The following ASAP2 variants were observed in gnomAD, a reference collection of about 807,000 sequenced individuals.
ASAP2 encodes the protein ArfGAP with SH3 domain, ankyrin repeat and PH domain 2.
In ASAP2, 45 loss-of-function variants were observed where a neutral mutation model predicts 131.4. That is an observed-to-expected ratio of 0.34 (90% CI 0.27 to 0.44). The LOEUF (loss-of-function observed/expected upper bound fraction) is 0.44, where lower values mean the gene tolerates loss of function less well. Ranked by LOEUF, ASAP2 falls within the 20% of genes least tolerant of loss-of-function variation. The pLI, the probability that ASAP2 is intolerant of heterozygous loss-of-function variation, is 1.00. For missense variants in ASAP2, 1,011 were observed against 1,297.0 expected (o/e 0.78, Z 3.39); for synonymous variants, 510 against 503.0 (o/e 1.01, Z -0.19).
intron 1 of ASAP2, among the ~76,000 whole-genome samples, chr2:9,260,478 C>T (rs1034309573): frequency 2.6e-5 from 4 of 152,092 alleles, no homozygotes; most frequent in Admixed American, 6.6e-5. Context: ...GCGGGTGGAG[C>T]GGGGCCCATG....
rs1664935257 is a variant in ASAP2 at position 9,254,220 on chromosome 2, AAAAAAAAAAAAAAAAAAT to A, written c.127-25095_127-25078del. ...AGGGAGACTGTCTCAAAAAAAAAAA[AAAAAAAAAAAAAAAAAAT>A]ATATATATATATATATACACGTGTG... On this transcript the variant is annotated intron_variant, in intron 1 of 27. Coordinates refer to ENST00000281419, the MANE Select transcript of ASAP2 (RefSeq NM_003887.3). 2.5e-5 allele frequency among the ~76,000 whole-genome samples: 2 copies of A among 78,856 alleles called. 1 individual carries two copies. The highest frequency in any genetic ancestry group is 4.9e-5 in the Non-Finnish European group (2 of 41,216). 51.7% of individuals were successfully genotyped at this position (78,856 alleles called of 152,430 possible). A position where few individuals can be genotyped will look rare whatever the true frequency, so the allele number is the denominator to read the frequency against.
rs561090498 is a variant in ASAP2, at chr2:9,303,274, G to A, written c.345+5829G>A. ...TGGCTTGGGGTACGTGGGAATATCC[G>A]CCCTTGGATTAGTCCTGGACTATTA... On this transcript the variant is annotated intron_variant, in intron 3 of 27. Coordinates refer to ENST00000281419, the MANE Select transcript of ASAP2 (RefSeq NM_003887.3). Among the ~76,000 whole-genome samples the A allele has an allele frequency of 6.6e-5, 10 of 152,260 alleles. No homozygotes were observed. In the East Asian group the frequency reaches 7.7e-4, roughly 12 times the overall value.
At chr2:9,231,769 T>G (rs1663182767) in intron 1 of ASAP2, among the ~76,000 whole-genome samples, 1 of 152,174 alleles carries the variant, frequency 6.6e-6, no homozygotes, top group Non-Finnish European at 1.5e-5. Context: ...GAGACTCTCC[T>G]CTCTGTGCCG....
chr2:9,366,362 A>G (rs1673474844), intron 15 of ASAP2, among the ~76,000 whole-genome samples: 1 of 152,114 alleles, frequency 6.6e-6, no homozygotes, highest in South Asian at 2.1e-4. Flanking sequence ...AGGAGGCATC[A>G]GGGTGGTTGG....
chr2:9,329,274 G>C (rs929087938), intron 7 of ASAP2, among the ~76,000 whole-genome samples: 8 of 152,202 alleles, frequency 5.3e-5, no homozygotes, highest in Non-Finnish European at 1.0e-4. Flanking sequence ...TCTTGCAAAA[G>C]TTTTTAGATT....
chr2:9,355,906 G>T, intron 12 of ASAP2, 141 bp from the exon 13 acceptor site: 1 of 969,892 alleles, frequency 1.0e-6, no homozygotes, highest in Non-Finnish European at 1.6e-6. Flanking sequence ...GGATATGAGG[G>T]AGTGCCTGAT....
intron 1 of ASAP2, among the ~76,000 whole-genome samples, chr2:9,265,139 A>AAAAT (rs1424846424): frequency 1.3e-5 from 2 of 152,244 alleles, no homozygotes; most frequent in African/African-American, 4.8e-5. Context: ...CTATCTCAAA[A>AAAAT]AAATAAATAA....
chr2:9,321,989 G>A (rs1324054068), intron 5 of ASAP2, among the ~76,000 whole-genome samples: 1 of 152,190 alleles, frequency 6.6e-6, no homozygotes, highest in East Asian at 1.9e-4. Context: ...TTCCTGGGCA[G>A]TAGTCCCATA....
intron 25 of ASAP2, 132 bp downstream of exon 25, chr2:9,400,204 T>TC: frequency 1.3e-6 from 1 of 782,332 alleles, no homozygotes; most frequent in Non-Finnish European, 1.9e-6. Context: ...TCCTGCCCCC[T>TC]CCCCTCCTGC....
intron 12 of ASAP2, among the ~76,000 whole-genome samples, chr2:9,354,319 G>T (rs577434761): frequency 2.0e-5 from 3 of 152,308 alleles, no homozygotes; most frequent in Non-Finnish European, 2.9e-5. Context: ...TGCTCCGATC[G>T]CCCCCTCTGT....
At position 9,228,808 on chromosome 2, in the gene ASAP2, A is replaced by G. The variant is rs143555851; in HGVS notation, c.126+21578A>G. Among the ~76,000 whole-genome samples, 230 of 152,342 alleles carry G rather than the reference A, an allele frequency of 1.5e-3. 2 individuals carry two copies. The highest frequency in any genetic ancestry group is 2.5e-3 in the South Asian group (12 of 4,822). Reference sequence around the variant, plus strand: ...ATGCTGCTCAGTTGGCCAAGAAATTATGAACGGCACTCTTCCTAAATAATG... The same window carrying G: ...ATGCTGCTCAGTTGGCCAAGAAATTGTGAACGGCACTCTTCCTAAATAATG... On this transcript the variant is annotated intron_variant, in intron 1 of 27. Coordinates refer to ENST00000281419, the MANE Select transcript of ASAP2 (RefSeq NM_003887.3).
chr2:9,299,173 T>TC (rs1668336070), intron 3 of ASAP2, among the ~76,000 whole-genome samples: 1 of 152,098 alleles, frequency 6.6e-6, no homozygotes, highest in Non-Finnish European at 1.5e-5. Flanking sequence ...CGGAAGAGTC[T>TC]CCAAGTTGAG....
chr2:9,400,165 G>T, intron 25 of ASAP2, 93 bp downstream of exon 25: 1 of 1,226,378 alleles, frequency 8.2e-7, no homozygotes, highest in Non-Finnish European at 1.1e-6. Flanking sequence ...GACTGAGGGA[G>T]GGCCCAGCTG....
chr2:9,253,173 TC>T (rs1664844820), intron 1 of ASAP2, among the ~76,000 whole-genome samples: 2 of 151,340 alleles, frequency 1.3e-5, no homozygotes, highest in African/African-American at 4.9e-5. Flanking sequence ...TGTTTTTGTT[TC>T]TGTTTTTTTA....
In ASAP2 at chr2:9,374,636, G is replaced by A. The variant is rs1057161481; in HGVS notation, c.1557-119G>A. 1.0e-5 allele frequency: 10 copies of A among 963,808 alleles called. No individual in the cohort carries two copies. The Admixed American group carries it at 1.2e-4, about 12-fold the overall frequency. The allele number at this position is 963,808 out of a possible 1,614,324, so 59.7% of individuals were successfully genotyped here. A position where few individuals can be genotyped will look rare whatever the true frequency, so the allele number is the denominator to read the frequency against. ...GGCCACTCCCGCTTTGTGTTTCGGG[G>A]CCAGCGGTGCTTACCAGGGACATGG... On this transcript the variant is annotated intron_variant, in intron 16 of 27. Coordinates refer to ENST00000281419, the MANE Select transcript of ASAP2 (RefSeq NM_003887.3).
At chr2:9,370,255 G>A (rs529224904) in intron 16 of ASAP2, among the ~76,000 whole-genome samples, 4 of 152,328 alleles carry the variant, frequency 2.6e-5, no homozygotes, top group Admixed American at 6.5e-5. Context: ...AGAACATTGC[G>A]AGGGAGTGAA....
Position 9,207,395 on chromosome 2 carries a change from C to T in ASAP2, c.126+165C>T, listed in dbSNP as rs185827823. On this transcript the variant is annotated intron_variant, in intron 1 of 27. Transcript: ENST00000281419. The surrounding 1 kb of genome is among the most constrained non-coding windows in gnomAD (Gnocchi z 4.1). ...GCCCTTTGTTCCCGCCTAGGTGGCTCGGAGGAGATGGGTGATGGCCACCTT... is the reference window on the plus strand; with the variant it reads ...GCCCTTTGTTCCCGCCTAGGTGGCTTGGAGGAGATGGGTGATGGCCACCTT... 6.6e-6 allele frequency among the ~76,000 whole-genome samples: 1 copy of T among 152,296 alleles called. No individual in the cohort carries two copies. The highest frequency in any genetic ancestry group is 1.9e-4 in the East Asian group (1 of 5,156).
rs1198320181 is a variant in ASAP2 at position 9,387,228 on chromosome 2, C to A, written c.2131-1066C>A. Among the ~76,000 whole-genome samples, 81 of 113,662 alleles carry A rather than the reference C, an allele frequency of 7.1e-4. 1 individual carries two copies. Among genetic ancestry groups the A allele is most frequent in the Middle Eastern group, 3.9e-3 (1 of 258 alleles). 74.6% of individuals were successfully genotyped at this position (113,662 alleles called of 152,430 possible). ...GACTCTGTCTCAAAAAAAAAAAAAA[C>A]CATATAACCTTCAGGGGGGAGCAGG... is the stretch of plus-strand genomic sequence containing the variant. On this transcript the variant is annotated intron_variant, in intron 21 of 27. Coordinates refer to ENST00000281419, the MANE Select transcript of ASAP2 (RefSeq NM_003887.3).
intron 12 of ASAP2, among the ~76,000 whole-genome samples, chr2:9,352,755 C>T (rs1176511892): frequency 6.6e-6 from 1 of 152,188 alleles, no homozygotes; most frequent in Non-Finnish European, 1.5e-5. Flanking sequence ...CAAGATCCTG[C>T]CAGTGTCTTT....
Sources: allele counts gnomAD v4.1 joint callset (sites outside exome capture counted in the v4.1 genomes callset), GRCh38; gene constraint gnomAD v4.1.1; non-coding constraint Gnocchi (gnomAD v3.1); transcripts MANE v1.5; gene names NCBI Gene and HGNC (gene_info 2026-07-23, HGNC 2026-07-21).